The following ROCK2 variants were observed in gnomAD, a reference collection of about 807,000 sequenced individuals.
ROCK2 encodes Rho associated coiled-coil containing protein kinase 2, also known as rho-associated protein kinase 2.
ROCK2 carries 61 observed loss-of-function variants against 195.1 expected under a neutral mutation model. The ratio of observed to expected loss-of-function variants is 0.31; its 90% CI spans 0.25 to 0.39. The LOEUF (loss-of-function observed/expected upper bound fraction) is 0.39, where lower values mean the gene tolerates loss of function less well. Ranked by LOEUF, ROCK2 falls within the 10% of genes least tolerant of loss-of-function variation. The probability of loss-of-function intolerance (pLI) is 1.00; values close to 1 mark genes in which losing one functional copy is unlikely to be tolerated. For synonymous variants in ROCK2, 504 were observed against 545.5 expected, an observed-to-expected ratio of 0.92 and a Z score of 1.06; for missense variants, 1,109 against 1,637.4, an observed-to-expected ratio of 0.68 and a Z score of 5.57.
At chr2:11,219,720 G>A (rs767586359) in intron 9 of ROCK2, among the ~76,000 whole-genome samples, 1 of 151,632 alleles carries the variant, frequency 6.6e-6, no homozygotes, top group African/African-American at 2.4e-5. Flanking sequence ...CTGCAGCCTC[G>A]AACTCCTGGG....
At chr2:11,317,612 A>ATATATATATATATATTTTTTTTT in intron 1 of ROCK2, among the ~76,000 whole-genome samples, 1 of 19,308 alleles carries the variant, frequency 5.2e-5, no homozygotes, top group African/African-American at 1.6e-4. Flanking sequence ...ATATATATAT[A>ATATATATATATATATTTTTTTTT]TTTTTTTTTT....
At chr2:11,236,760 G>A (rs1289465410) in intron 4 of ROCK2, among the ~76,000 whole-genome samples, 2 of 152,092 alleles carry the variant, frequency 1.3e-5, no homozygotes, top group East Asian at 3.9e-4. Flanking sequence ...CAATATTTGA[G>A]AAAAACCAAC....
chr2:11,302,026 G>A (rs977887937), intron 1 of ROCK2, among the ~76,000 whole-genome samples: 6 of 151,764 alleles, frequency 4.0e-5, no homozygotes, highest in Admixed American at 1.3e-4. Flanking sequence ...GGCTGGTCTC[G>A]AATTCCAGAC....
intron 3 of ROCK2, among the ~76,000 whole-genome samples, chr2:11,282,960 G>C (rs1446973985): frequency 6.6e-6 from 1 of 152,106 alleles, no homozygotes; most frequent in Non-Finnish European, 1.5e-5. Flanking sequence ...GACCTGAACA[G>C]ACACTTCATC....
At chr2:11,312,440 C>T (rs1474339953) in intron 1 of ROCK2, among the ~76,000 whole-genome samples, 1 of 152,004 alleles carries the variant, frequency 6.6e-6, no homozygotes, top group African/African-American at 2.4e-5. Context: ...CTCTCCTGCC[C>T]CTCTTCAAAA....
At chr2:11,251,758 T>C (rs1665837623) in intron 3 of ROCK2, among the ~76,000 whole-genome samples, 1 of 152,134 alleles carries the variant, frequency 6.6e-6, no homozygotes, top group Non-Finnish European at 1.5e-5. Context: ...TTTTGCAATC[T>C]ATCCAGCTGA....
Position 11,317,612 on chromosome 2 carries a change from A to ATTTTTTT in ROCK2, c.141+26377_141+26383dup, listed in dbSNP as rs1553317464. 2.6e-4 allele frequency among the ~76,000 whole-genome samples: 5 copies of ATTTTTTT among 19,312 alleles called. 1 individual carries two copies. The highest frequency in any genetic ancestry group is 3.2e-4 in the African/African-American group (2 of 6,274). The allele number at this position is 19,312 out of a possible 152,430, so 12.7% of individuals were successfully genotyped here. A position where few individuals can be genotyped will look rare whatever the true frequency, so the allele number is the denominator to read the frequency against. ...TATATATATATATATATATATATAT[A>ATTTTTTT]TTTTTTTTTTTTTTTAATTATACTT... is the stretch of plus-strand genomic sequence containing the variant. On this transcript the variant is annotated intron_variant, in intron 1 of 32. Transcript: ENST00000315872.
chr2:11,233,093 T>C (rs1665077248), intron 5 of ROCK2, among the ~76,000 whole-genome samples: 1 of 151,884 alleles, frequency 6.6e-6, no homozygotes, highest in African/African-American at 2.4e-5. Context: ...GTACGCCTGT[T>C]GTCCCAGCTA....
chr2:11,194,483 A>T (rs1663550260), intron 28 of ROCK2, 139 bp from the exon 29 acceptor site: 1 of 375,024 alleles, frequency 2.7e-6, no homozygotes. Context: ...ATATATCTTT[A>T]GGACAGTCTT....
chr2:11,241,908 A>C (rs1665440705), intron 4 of ROCK2, among the ~76,000 whole-genome samples: 1 of 152,214 alleles, frequency 6.6e-6, no homozygotes, highest in African/African-American at 2.4e-5. Context: ...CATGGAGGTC[A>C]CTTGAGCCAC....
intron 1 of ROCK2, among the ~76,000 whole-genome samples, chr2:11,307,727 G>A (rs1253213245): frequency 6.6e-6 from 1 of 152,016 alleles, no homozygotes; most frequent in African/African-American, 2.4e-5. Flanking sequence ...CCATATCCAC[G>A]GTTTCTGAAT....
At chr2:11,303,345 C>T (rs1482306808) in intron 1 of ROCK2, among the ~76,000 whole-genome samples, 1 of 152,194 alleles carries the variant, frequency 6.6e-6, no homozygotes, top group Non-Finnish European at 1.5e-5. Context: ...TTGCTTCTTA[C>T]CTCACTGAGA....
At chr2:11,325,272 G>A (rs917980056) in intron 1 of ROCK2, among the ~76,000 whole-genome samples, 2 of 152,214 alleles carry the variant, frequency 1.3e-5, no homozygotes, top group African/African-American at 2.4e-5. Context: ...CCAACTGTGG[G>A]ACTGGTGCAT....
At chr2:11,249,109 G>A (rs544852152) in intron 4 of ROCK2, among the ~76,000 whole-genome samples, 24 of 152,138 alleles carry the variant, frequency 1.6e-4, no homozygotes, top group African/African-American at 4.8e-5. Flanking sequence ...TGTTAGCCAC[G>A]ATGGTCTCAA....
chr2:11,287,685 T>C lies in ROCK2; in HGVS notation c.193A>G (p.Asn65Asp). ...LDLDFPALRK[N>D]KNIDNFLNRY... ...TTTAAGAAATTATCTATGTTCTTGT[T>C]TTTCCTCAAAGCAGGAAAATCTAAA... is the stretch of plus-strand genomic sequence containing the variant. The change falls in exon 2 of 33, where the codon AAC becomes GAC. Residue 65 changes from asparagine (N) to aspartate (D), a missense_variant. Coordinates refer to ENST00000315872, the MANE Select transcript of ROCK2 (RefSeq NM_004850.5). 1 of 1,302,198 alleles carries C rather than the reference T, an allele frequency of 7.7e-7. No homozygotes were observed. 80.7% of individuals were successfully genotyped at this position (1,302,198 alleles called of 1,614,324 possible).
Position 11,218,994 on chromosome 2 carries a change from G to A in ROCK2, c.1292C>T (p.Thr431Ile). 4 of 1,447,332 alleles carry A rather than the reference G, an allele frequency of 2.8e-6. No individual in the cohort carries two copies. Among genetic ancestry groups the A allele is most frequent in the Non-Finnish European group, 3.8e-6 (4 of 1,056,820 alleles). 89.7% of individuals were successfully genotyped at this position (1,447,332 alleles called of 1,614,324 possible). The stretch of plus-strand genomic sequence containing the variant: ...ATTTTTCCTTGATTGTATGGAATCA[G>A]TTTCTCTACAAGATGGAGAGTCACT... ...LLSDSPSCRETDSIQSRKNEE... is the reference protein window; with the variant it reads ...LLSDSPSCREIDSIQSRKNEE... Residue 431 changes from threonine to isoleucine, a missense_variant, in exon 10 of 33, where the codon ACT becomes ATT. Physicochemically the swap from Thr to Ile is moderately conservative, Grantham distance 89. Coordinates refer to ENST00000315872, the MANE Select transcript of ROCK2 (RefSeq NM_004850.5).
chr2:11,275,634 G>A lies in ROCK2; in HGVS notation c.324+10905C>T, dbSNP rs945933691. Among the ~76,000 whole-genome samples, 10 of 151,006 alleles carry A rather than the reference G, an allele frequency of 6.6e-5. 1 individual carries two copies. The highest frequency in any genetic ancestry group is 2.6e-4 in the Admixed American group (4 of 15,140). ...TATTAAACCACATTAACAGAATAAA[G>A]GTAAGCAACACATAATCATTTCAAT... On this transcript the variant is annotated intron_variant, in intron 3 of 32. Coordinates refer to ENST00000315872, the MANE Select transcript of ROCK2 (RefSeq NM_004850.5).
chr2:11,249,239 G>C (rs547524829), intron 4 of ROCK2, among the ~76,000 whole-genome samples: 1 of 152,232 alleles, frequency 6.6e-6, no homozygotes, highest in African/African-American at 2.4e-5. Flanking sequence ...TTAAGTTCTA[G>C]AGTACATGTG....
Position 11,344,242 on chromosome 2 carries a change from G to A in ROCK2, c.-106C>T. ...CAGCTCCGGCCGGGACTCCACCCGG[G>A]CCCACCGCCTGCCTCTAGCTCCGGC... On this transcript the variant is annotated 5_prime_UTR_variant, in exon 1 of 33. Coordinates refer to ENST00000315872, the MANE Select transcript of ROCK2 (RefSeq NM_004850.5). The surrounding 1 kb of genome is among the most constrained non-coding windows in gnomAD (Gnocchi z 5.4). 2 of 1,308,678 alleles carry A rather than the reference G, an allele frequency of 1.5e-6. No homozygotes were observed. Among genetic ancestry groups the A allele is most frequent in the Non-Finnish European group, 1.9e-6 (2 of 1,032,588 alleles). 81.1% of individuals were successfully genotyped at this position (1,308,678 alleles called of 1,614,324 possible).
Sources: allele counts gnomAD v4.1 joint callset (sites outside exome capture counted in the v4.1 genomes callset), GRCh38; gene constraint gnomAD v4.1.1; non-coding constraint Gnocchi (gnomAD v3.1); transcripts MANE v1.5; gene names NCBI Gene and HGNC (gene_info 2026-07-23, HGNC 2026-07-21).